Variants in GALK2 observed in about 807,000 individuals in gnomAD.
The protein encoded by GALK2 is galactokinase 2, also known as N-acetylgalactosamine kinase.
GALK2 carries 36 observed loss-of-function variants against 52.4 expected under a neutral mutation model. That is an observed-to-expected ratio of 0.69 (90% CI 0.53 to 0.91). The LOEUF (loss-of-function observed/expected upper bound fraction) is 0.91. Ranked by LOEUF, GALK2 falls within the 40% of genes least tolerant of loss-of-function variation. The probability of loss-of-function intolerance (pLI) is 0.00; values close to 1 mark genes in which losing one functional copy is unlikely to be tolerated. For synonymous variants in GALK2, 176 were observed against 199.1 expected, an observed-to-expected ratio of 0.88 and a Z score of 0.98; for missense variants, 579 against 559.1, an observed-to-expected ratio of 1.04 and a Z score of -0.36.
chr15:49,175,847 C>A (rs1278572771), intron 1 of GALK2, among the ~76,000 whole-genome samples: 1 of 152,186 alleles, frequency 6.6e-6, no homozygotes, highest in Non-Finnish European at 1.5e-5. Flanking sequence ...CTGTCCTGTT[C>A]TGTTCCCTTC....
intron 9 of GALK2, among the ~76,000 whole-genome samples, chr15:49,325,672 T>C (rs908367986): frequency 3.9e-5 from 6 of 152,256 alleles, no homozygotes; most frequent in African/African-American, 1.2e-4. Flanking sequence ...GATGTGCCAC[T>C]GACTTGGGGG....
chr15:49,247,842 A>T (rs79456108), intron 5 of GALK2, among the ~76,000 whole-genome samples: 3 of 152,218 alleles, frequency 2.0e-5, no homozygotes, highest in Non-Finnish European at 2.9e-5. Flanking sequence ...CTTTTTGACT[A>T]CAGGGATGCT....
At chr15:49,245,479 A>G (rs2091304500) in intron 5 of GALK2, among the ~76,000 whole-genome samples, 1 of 152,240 alleles carries the variant, frequency 6.6e-6, no homozygotes. Context: ...TAGAATGAAA[A>G]GTAAGATGAC....
At chr15:49,260,410 G>T (rs2092043955) in intron 5 of GALK2, among the ~76,000 whole-genome samples, 1 of 149,274 alleles carries the variant, frequency 6.7e-6, no homozygotes, top group Admixed American at 6.7e-5. Flanking sequence ...TTTTCATGGG[G>T]TTGTTTGTTT....
At chr15:49,228,658 C>CATATATATA (rs1566957679) in intron 3 of GALK2, among the ~76,000 whole-genome samples, 1 of 58,340 alleles carries the variant, frequency 1.7e-5, no homozygotes, top group African/African-American at 8.8e-5. Flanking sequence ...TTGTCTTTCA[C>CATATATATA]TGATATATAT....
chr15:49,310,237 A>G (rs548461199), intron 8 of GALK2, among the ~76,000 whole-genome samples: 32 of 152,212 alleles, frequency 2.1e-4, no homozygotes, highest in African/African-American at 7.0e-4. Flanking sequence ...TTATTGTTCA[A>G]TAGTACTCTA....
At chr15:49,175,959 G>C (rs1408884107) in intron 1 of GALK2, among the ~76,000 whole-genome samples, 1 of 152,168 alleles carries the variant, frequency 6.6e-6, no homozygotes, top group African/African-American at 2.4e-5. Context: ...CCCTTAAAAG[G>C]GACAGGAATT....
intron 1 of GALK2, among the ~76,000 whole-genome samples, chr15:49,188,135 G>A (rs1387828791): frequency 1.3e-5 from 2 of 152,180 alleles, no homozygotes; most frequent in African/African-American, 4.8e-5. Context: ...AATTCTCCCA[G>A]GACTAGTTCT....
intron 3 of GALK2, among the ~76,000 whole-genome samples, chr15:49,231,503 C>T (rs2090501146): frequency 1.3e-5 from 2 of 152,316 alleles, no homozygotes; most frequent in South Asian, 4.1e-4. Flanking sequence ...AAAATTCAGT[C>T]ATCCTTCTCA....
At chr15:49,200,105 G>A (rs2087609031) in intron 1 of GALK2, among the ~76,000 whole-genome samples, 1 of 152,052 alleles carries the variant, frequency 6.6e-6, no homozygotes, top group Non-Finnish European at 1.5e-5. Context: ...TATGATGTGG[G>A]ACTACAAATA....
chr15:49,176,554 T>C (rs2141197325), intron 1 of GALK2, among the ~76,000 whole-genome samples: 1 of 152,292 alleles, frequency 6.6e-6, no homozygotes, highest in South Asian at 2.1e-4. Context: ...TGAAAATACA[T>C]TTGTTTCTTA....
At chr15:49,326,104 CAAGT>C (rs757315856) in intron 9 of GALK2, among the ~76,000 whole-genome samples, 3 of 152,096 alleles carry the variant, frequency 2.0e-5, no homozygotes, top group African/African-American at 4.8e-5. Flanking sequence ...CTTAGAAAAT[CAAGT>C]AAGAAGGCAC....
intron 2 of GALK2, among the ~76,000 whole-genome samples, chr15:49,208,858 A>T (rs2088554184): frequency 6.6e-6 from 1 of 152,190 alleles, no homozygotes; most frequent in African/African-American, 2.4e-5. Context: ...ATATATCTTT[A>T]GGATTGTGAT....
At chr15:49,190,586 T>A (rs1052028575) in intron 1 of GALK2, among the ~76,000 whole-genome samples, 2 of 152,220 alleles carry the variant, frequency 1.3e-5, no homozygotes, top group Non-Finnish European at 2.9e-5. Context: ...TAAAGCAAAT[T>A]AAATATGGCC....
At chr15:49,170,111 G>A, upstream of GALK2, 1 of 1,183,698 alleles carries the variant, frequency 8.4e-7, no homozygotes, top group Non-Finnish European at 1.1e-6. Context: ...CCTGACTGCT[G>A]CTTGGAGGGA....
At chr15:49,241,500 A>G (rs919948098) in intron 5 of GALK2, among the ~76,000 whole-genome samples, 3 of 152,204 alleles carry the variant, frequency 2.0e-5, no homozygotes, top group African/African-American at 4.8e-5. Flanking sequence ...TAGTGTTGTC[A>G]TATGCTTCTG....
chr15:49,276,289 G>T (rs910309445), intron 5 of GALK2, among the ~76,000 whole-genome samples: 1 of 147,532 alleles, frequency 6.8e-6, no homozygotes, highest in Non-Finnish European at 1.5e-5. Flanking sequence ...TGCTGATCTA[G>T]CTTGAGGGTT....
At chr15:49,205,565 T>G (rs1032530567) in intron 2 of GALK2, among the ~76,000 whole-genome samples, 1 of 152,238 alleles carries the variant, frequency 6.6e-6, no homozygotes, top group Non-Finnish European at 1.5e-5. Context: ...TAGCCCACTC[T>G]TTGAATGGGA....
chr15:49,359,698 A>G lies in GALK2; in HGVS notation c.427-7793A>G, dbSNP rs1317476546. On this transcript the variant is annotated intron_variant, in intron 3 of 3. Coordinates refer to the GALK2 transcript ENST00000558399. ...CAGTGTGGCGATTCCTCAGGGATCTAGAACTGGAAGTACCATTTGACCCAG... is the reference window on the plus strand; with the variant it reads ...CAGTGTGGCGATTCCTCAGGGATCTGGAACTGGAAGTACCATTTGACCCAG... Among the ~76,000 whole-genome samples the G allele has an allele frequency of 2.2e-5, 3 of 138,850 alleles. No individual in the cohort carries two copies. The East Asian group carries it at 6.4e-4, about 30-fold the overall frequency. 91.1% of individuals were successfully genotyped at this position (138,850 alleles called of 152,430 possible).
Sources: allele counts gnomAD v4.1 joint callset (sites outside exome capture counted in the v4.1 genomes callset), GRCh38; gene constraint gnomAD v4.1.1; transcripts MANE v1.5; gene names NCBI Gene and HGNC (gene_info 2026-07-23, HGNC 2026-07-21).